GSN: variants seen among roughly 807,000 people sequenced by gnomAD.
The protein encoded by GSN is actin-depolymerizing factor.
GSN carries 56 observed loss-of-function variants against 85.7 expected under a neutral mutation model. The ratio of observed to expected loss-of-function variants is 0.65; its 90% CI spans 0.53 to 0.82. The LOEUF is 0.82. Among genes scored for constraint, GSN ranks in the 40% least tolerant of loss-of-function variants. The pLI, the probability that GSN is intolerant of heterozygous loss-of-function variation, is 0.00. For synonymous variants in GSN, 373 were observed against 399.1 expected (o/e 0.93, Z 0.78); for missense variants, 857 against 979.8 (o/e 0.87, Z 1.67).
At chr9:121,286,148 C>A in intron 2 of GSN, 2 of 1,535,366 alleles carry the variant, frequency 1.3e-6, no homozygotes, top group Non-Finnish European at 1.7e-6. Flanking sequence ...CTCGCGATGG[C>A]CGAGGAAGAA....
At chr9:121,212,325 G>T (rs575876244) in intron 4 of GSN, among the ~76,000 whole-genome samples, 72 of 152,266 alleles carry the variant, frequency 4.7e-4, no homozygotes, top group African/African-American at 1.7e-3. Context: ...TAATCTCTCT[G>T]GGCCTCAGTT....
chr9:121,222,693 A>G (rs1165293417), intron 4 of GSN, among the ~76,000 whole-genome samples: 1 of 152,224 alleles, frequency 6.6e-6, no homozygotes, highest in Non-Finnish European at 1.5e-5. Flanking sequence ...ATCTGCATCA[A>G]CCTCAATTCC....
chr9:121,260,077 C>G (rs2055049871), intron 6 of GSN, among the ~76,000 whole-genome samples: 1 of 152,252 alleles, frequency 6.6e-6, no homozygotes, highest in African/African-American at 2.4e-5. Flanking sequence ...GAGCGTGAGT[C>G]TGGACTAAGC....
intron 2 of GSN, among the ~76,000 whole-genome samples, chr9:121,295,150 G>A (rs551449836): frequency 3.9e-5 from 6 of 152,304 alleles, no homozygotes; most frequent in East Asian, 1.9e-4. Flanking sequence ...GCTCCTGTGC[G>A]TCACATCCTG....
intron 1 of GSN, among the ~76,000 whole-genome samples, chr9:121,277,360 GT>G (rs1392237331): frequency 6.6e-6 from 1 of 152,196 alleles, no homozygotes; most frequent in Non-Finnish European, 1.5e-5. Context: ...GCAGATTCTG[GT>G]TCCACAAGTC....
intron 4 of GSN, among the ~76,000 whole-genome samples, chr9:121,230,419 G>A (rs1008476582): frequency 1.3e-5 from 2 of 152,216 alleles, no homozygotes; most frequent in African/African-American, 4.8e-5. Flanking sequence ...AGCTGTCTGC[G>A]CACAGAGCTT....
chr9:121,273,751 T>G (rs1248179697), intron 1 of GSN, among the ~76,000 whole-genome samples: 1 of 152,218 alleles, frequency 6.6e-6, no homozygotes, highest in East Asian at 1.9e-4. Context: ...TTAAAAGTTT[T>G]AAAAGCATAC....
intron 4 of GSN, among the ~76,000 whole-genome samples, chr9:121,307,517 G>A (rs755806240): frequency 1.3e-5 from 2 of 152,294 alleles, no homozygotes; most frequent in Non-Finnish European, 2.9e-5. Context: ...CCTGGAAGGG[G>A]GATCTTGGGG....
At chr9:121,316,947 T>A in intron 7 of GSN, 139 bp from the exon 8 acceptor site, 1 of 1,003,552 alleles carries the variant, frequency 1.0e-6, no homozygotes, top group Non-Finnish European at 1.5e-6. Context: ...AAAAAGAACC[T>A]CTAAATGTGT....
At chr9:121,214,779 C>T (rs1389718787) in intron 4 of GSN, among the ~76,000 whole-genome samples, 1 of 152,172 alleles carries the variant, frequency 6.6e-6, no homozygotes, top group Non-Finnish European at 1.5e-5. Context: ...TCTTCTGGAC[C>T]TCTGTTGTAG....
chr9:121,306,211 T>C (rs995936683), intron 4 of GSN, among the ~76,000 whole-genome samples: 1 of 152,204 alleles, frequency 6.6e-6, no homozygotes, highest in Non-Finnish European at 1.5e-5. Context: ...CCCTTGGACC[T>C]GAGGAACACA....
chr9:121,243,408 G>C (rs2054641453), intron 5 of GSN, among the ~76,000 whole-genome samples: 2 of 152,236 alleles, frequency 1.3e-5, no homozygotes, highest in South Asian at 2.1e-4. Context: ...AATCCCTTTT[G>C]CCATATAAGC....
At chr9:121,282,210 G>A (rs1301654367) in intron 2 of GSN, 1 of 555,488 alleles carries the variant, frequency 1.8e-6, no homozygotes, top group Non-Finnish European at 3.3e-6. Context: ...TTCTCCACCT[G>A]TAGGATGGGT....
intron 2 of GSN, among the ~76,000 whole-genome samples, chr9:121,291,189 A>G (rs1240039921): frequency 2.6e-5 from 4 of 152,252 alleles, no homozygotes; most frequent in Admixed American, 6.5e-5. Flanking sequence ...TATAACAACT[A>G]TGTAAATAGC....
chr9:121,271,179 G>A (rs2055885875), intron 1 of GSN, among the ~76,000 whole-genome samples: 1 of 152,198 alleles, frequency 6.6e-6, no homozygotes, highest in African/African-American at 2.4e-5. Flanking sequence ...GACCAGCCTG[G>A]TCAACATGGT....
At chr9:121,295,054 C>T (rs970789351) in intron 2 of GSN, among the ~76,000 whole-genome samples, 2 of 152,198 alleles carry the variant, frequency 1.3e-5, no homozygotes, top group Non-Finnish European at 2.9e-5. Flanking sequence ...AAATCTGTAA[C>T]GTTTCTCCCG....
At chr9:121,307,764 G>C (rs558333465) in intron 4 of GSN, among the ~76,000 whole-genome samples, 1 of 152,212 alleles carries the variant, frequency 6.6e-6, no homozygotes, top group Non-Finnish European at 1.5e-5. Flanking sequence ...GTGAGCGCAG[G>C]TTGTTGCATT....
chr9:121,328,746 C>G, intron 14 of GSN, 145 bp from the exon 15 acceptor site: 1 of 895,994 alleles, frequency 1.1e-6, no homozygotes, highest in South Asian at 1.4e-5. Flanking sequence ...GGCCTCTTCC[C>G]TCTGGATCTC....
intron 4 of GSN, among the ~76,000 whole-genome samples, chr9:121,230,567 G>T (rs931274767): frequency 2.3e-4 from 35 of 152,142 alleles, no homozygotes; most frequent in African/African-American, 8.2e-4. Flanking sequence ...AAGAACCAAG[G>T]TCTCCTTTAA....
Sources: allele counts gnomAD v4.1 joint callset (sites outside exome capture counted in the v4.1 genomes callset), GRCh38; gene constraint gnomAD v4.1.1; transcripts MANE v1.5; gene names NCBI Gene and HGNC (gene_info 2026-07-23, HGNC 2026-07-21).